The following ELP3 variants were observed in gnomAD, a reference collection of about 807,000 sequenced individuals.
ELP3 encodes the protein elongator complex protein 3.
A neutral mutation model predicts 74.9 loss-of-function variants in ELP3; 56 were observed. The observed-to-expected ratio is 0.75, with a 90% CI of 0.60 to 0.93. The LOEUF (loss-of-function observed/expected upper bound fraction) is 0.93, where lower values mean the gene tolerates loss of function less well. Ranked by LOEUF, ELP3 falls within the 40% of genes least tolerant of loss-of-function variation. The pLI is 0.00. For missense variants in ELP3, 573 were observed against 686.5 expected (o/e 0.83, Z 1.85); for synonymous variants, 222 against 239.8 (o/e 0.93, Z 0.68).
At position 28,191,050 on chromosome 8, in the gene ELP3, G is replaced by A. The variant is rs1053667325; in HGVS notation, c.*1325G>A. ...CTGCCTGGAGAGGGTCAGTTCCTAA[G>A]TTAAAAGCATCGCTTAACCTTGGCT... On this transcript the variant is annotated 3_prime_UTR_variant, in exon 15 of 15. Transcript: ENST00000256398. 3 of 152,210 alleles carry A rather than the reference G, an allele frequency of 2.0e-5. No individual in the cohort carries two copies. The highest frequency in any genetic ancestry group is 4.8e-5 in the African/African-American group (2 of 41,450). The allele number at this position is 152,210 out of a possible 1,614,324, so 9.4% of individuals were successfully genotyped here. A position where few individuals can be genotyped will look rare whatever the true frequency, so the allele number is the denominator to read the frequency against.
chr8:28,119,568 CG>C (rs1446473206), intron 7 of ELP3, among the ~76,000 whole-genome samples: 15 of 80,044 alleles, frequency 1.9e-4, no homozygotes, highest in South Asian at 9.1e-4. Context: ...CAACTTGTGG[CG>C]TTTTATATAT....
chr8:28,151,223 T>G (rs1813630974), intron 10 of ELP3, among the ~76,000 whole-genome samples: 1 of 152,234 alleles, frequency 6.6e-6, no homozygotes, highest in Admixed American at 6.5e-5. Flanking sequence ...GTCTGTCTAC[T>G]AATAAGCCCA....
chr8:28,175,206 A>G (rs1414464035), intron 14 of ELP3, among the ~76,000 whole-genome samples: 1 of 152,116 alleles, frequency 6.6e-6, no homozygotes, highest in Non-Finnish European at 1.5e-5. Context: ...GTATTCAGCC[A>G]TTTCTTTAAA....
At chr8:28,119,703 G>C (rs1355160848) in intron 7 of ELP3, among the ~76,000 whole-genome samples, 1 of 147,828 alleles carries the variant, frequency 6.8e-6, no homozygotes, top group Non-Finnish European at 1.5e-5. Context: ...GTCCTATTAA[G>C]ATACAGAATG....
Position 28,129,249 on chromosome 8 carries a change from A to G in ELP3, c.618-253A>G. The G allele has an allele frequency of 1.1e-5, 4 of 372,900 alleles. No homozygotes were observed. In the South Asian group the frequency reaches 2.5e-4, roughly 23 times the overall value. The allele number at this position is 372,900 out of a possible 1,614,324, so 23.1% of individuals were successfully genotyped here. A position where few individuals can be genotyped will look rare whatever the true frequency, so the allele number is the denominator to read the frequency against. On this transcript the variant is annotated intron_variant, in intron 7 of 14. Transcript: ENST00000256398. Reference sequence around the variant, plus strand: ...ATTACTATGCTAGCTCAGTCACGTCAATCTTATGAGGTGTAGATAGTGTAT... The same window carrying G: ...ATTACTATGCTAGCTCAGTCACGTCGATCTTATGAGGTGTAGATAGTGTAT...
At chr8:28,115,663 A>G (rs1286667691) in intron 7 of ELP3, among the ~76,000 whole-genome samples, 1 of 152,216 alleles carries the variant, frequency 6.6e-6, no homozygotes, top group Non-Finnish European at 1.5e-5. Flanking sequence ...GAGATAAGCA[A>G]TTTGCCCAAA....
At chr8:28,098,363 T>G (rs980680166) in intron 2 of ELP3, among the ~76,000 whole-genome samples, 1 of 152,330 alleles carries the variant, frequency 6.6e-6, no homozygotes, top group Admixed American at 6.5e-5. Context: ...TTTTACCCCT[T>G]CCTTGAATCC....
intron 10 of ELP3, among the ~76,000 whole-genome samples, chr8:28,139,413 A>G (rs572678734): frequency 1.3e-5 from 2 of 152,314 alleles, no homozygotes; most frequent in East Asian, 3.9e-4. Context: ...TTTCCAACAT[A>G]TAGGTACATG....
At chr8:28,123,669 G>A (rs61559806) in intron 7 of ELP3, among the ~76,000 whole-genome samples, 4,212 of 152,256 alleles carry the variant, frequency 0.028, 215 homozygotes, top group African/African-American at 0.097. Context: ...GATTTTTACT[G>A]AATGTATTTT....
chr8:28,130,737 C>A (rs1477380971), intron 8 of ELP3, among the ~76,000 whole-genome samples: 2 of 152,102 alleles, frequency 1.3e-5, no homozygotes, highest in Non-Finnish European at 2.9e-5. Flanking sequence ...ATGGAAGAGT[C>A]TGAGTTGGTC....
chr8:28,174,411 A>G (rs1410689993), intron 14 of ELP3, among the ~76,000 whole-genome samples: 2 of 152,028 alleles, frequency 1.3e-5, no homozygotes, highest in Non-Finnish European at 2.9e-5. Context: ...TAATCACTCT[A>G]TGACTCTTTT....
intron 1 of ELP3, among the ~76,000 whole-genome samples, chr8:28,094,307 C>G (rs985918920): frequency 1.3e-5 from 2 of 152,196 alleles, no homozygotes; most frequent in Admixed American, 1.3e-4. Flanking sequence ...TCATCACTAA[C>G]TAATATTTGA....
chr8:28,110,787 A>G, intron 6 of ELP3: 1 of 222,014 alleles, frequency 4.5e-6, no homozygotes, highest in Non-Finnish European at 8.8e-6. Context: ...TCAGATTAAG[A>G]AGTATTTTGA....
intron 10 of ELP3, among the ~76,000 whole-genome samples, chr8:28,149,432 C>T (rs1167436696): frequency 6.6e-6 from 1 of 152,130 alleles, no homozygotes; most frequent in Non-Finnish European, 1.5e-5. Flanking sequence ...GGACTTTGTC[C>T]ATTTCATCTA....
upstream of ELP3, among the ~76,000 whole-genome samples, chr8:28,092,385 C>A (rs1200079942): frequency 6.6e-6 from 1 of 152,120 alleles, no homozygotes; most frequent in Non-Finnish European, 1.5e-5. Flanking sequence ...TGCACCACCA[C>A]GCCTGGCTAA....
Position 28,129,573 on chromosome 8 carries a change from G to A in ELP3, c.689G>A (p.Arg230Gln), listed in dbSNP as rs370366449. ...ACCAGACCAGATTACTGCATGAAGC[G>A]ACATTTAAGTGACATGTTGACCTAT... ...IETRPDYCMK[R>Q]HLSDMLTYGC... The change falls in exon 8 of 15, where the codon CGA (arginine) becomes CAA (glutamine). Residue 230 changes from arginine to glutamine, a missense_variant. Coordinates refer to ENST00000256398, the MANE Select transcript of ELP3 (RefSeq NM_018091.6). 37 of 1,614,056 alleles carry A rather than the reference G, an allele frequency of 2.3e-5. No individual in the cohort carries two copies. The highest frequency in any genetic ancestry group is 9.9e-5 in the South Asian group (9 of 91,078).
intron 7 of ELP3, among the ~76,000 whole-genome samples, chr8:28,123,291 TG>T (rs1301289623): frequency 1.3e-5 from 2 of 152,358 alleles, no homozygotes; most frequent in East Asian, 3.9e-4. Context: ...TGTATAGGAA[TG>T]GGGTGTTTAA....
chr8:28,097,437 C>CTGCCT, intron 2 of ELP3, 119 bp downstream of exon 2: 1 of 619,578 alleles, frequency 1.6e-6, no homozygotes, highest in Non-Finnish European at 2.8e-6. Context: ...TTTTAGCTTT[C>CTGCCT]TGCCTTGCCT....
At chr8:28,106,351 T>A (rs1466128664) in intron 3 of ELP3, among the ~76,000 whole-genome samples, 2 of 151,616 alleles carry the variant, frequency 1.3e-5, no homozygotes, top group African/African-American at 4.8e-5. Context: ...CCATCCCGGC[T>A]AAAACGGTGA....
Sources: allele counts gnomAD v4.1 joint callset (sites outside exome capture counted in the v4.1 genomes callset), GRCh38; gene constraint gnomAD v4.1.1; transcripts MANE v1.5; gene names NCBI Gene and HGNC (gene_info 2026-07-23, HGNC 2026-07-21).